The following PDGFRA variants were observed in gnomAD, a reference collection of about 807,000 sequenced individuals.
PDGFRA encodes the protein platelet-derived growth factor receptor alpha.
In PDGFRA, 25 loss-of-function variants were observed where a neutral mutation model predicts 121.5. The observed-to-expected ratio is 0.21, with a 90% CI of 0.15 to 0.29. The LOEUF (loss-of-function observed/expected upper bound fraction) is 0.29. PDGFRA is among the 10% of genes least tolerant of loss of function. PDGFRA has a pLI of 1.00. For missense variants in PDGFRA, 1,008 were observed against 1,345.1 expected (o/e 0.75, Z 3.92); for synonymous variants, 463 against 494.8 (o/e 0.94, Z 0.85).
In PDGFRA at chr4:54,297,688, A is replaced by T. The variant is rs926045037; in HGVS notation, c.*2416A>T. 5 of 233,506 alleles carry T rather than the reference A, an allele frequency of 2.1e-5. No individual in the cohort carries two copies. The highest frequency in any genetic ancestry group is 1.1e-4 in the African/African-American group (5 of 45,318). The allele number at this position is 233,506 out of a possible 1,614,324, so 14.5% of individuals were successfully genotyped here. A position where few individuals can be genotyped will look rare whatever the true frequency, so the allele number is the denominator to read the frequency against. On this transcript the variant is annotated 3_prime_UTR_variant, in exon 23 of 23. Coordinates refer to ENST00000257290, the MANE Select transcript of PDGFRA (RefSeq NM_006206.6). ...TGTGTGTGTTTTCAGCAAATTCCAG[A>T]TTTGTTTCCTTTTGGCCTCCTGCAA...
intron 1 of PDGFRA, among the ~76,000 whole-genome samples, chr4:54,247,200 T>A (rs952183090): frequency 6.6e-6 from 1 of 152,070 alleles, no homozygotes; most frequent in Non-Finnish European, 1.5e-5. Flanking sequence ...AAAGAGGGAA[T>A]CCTCCCTAAC....
At chr4:54,237,120 C>T (rs1285797908) in intron 1 of PDGFRA, among the ~76,000 whole-genome samples, 5 of 152,070 alleles carry the variant, frequency 3.3e-5, no homozygotes, top group African/African-American at 7.2e-5. Flanking sequence ...AGGTACCTGC[C>T]GCCATGCCTG....
intron 1 of PDGFRA, among the ~76,000 whole-genome samples, chr4:54,242,235 G>A (rs929359688): frequency 6.6e-5 from 10 of 151,954 alleles, no homozygotes; most frequent in South Asian, 6.2e-4. Context: ...TGTCTCCATC[G>A]ACAGCTTCTG....
chr4:54,274,551 G>T lies in PDGFRA; in HGVS notation c.1579G>T (p.Val527Leu), dbSNP rs2110296253. ...CGTAGCCCTGCGTTCTGAACTCACG[G>T]TGGCTGCTGCAGTCCTGGTGCTGTT... The part of the protein sequence containing the change: ...VAPTLRSELT[V>L]AAAVLVLLVI... Residue 527 changes from valine (V) to leucine (L), a missense_variant, in exon 11 of 23, where the codon GTG becomes TTG. Physicochemically the swap from Val to Leu is conservative, Grantham distance 32. Coordinates refer to ENST00000257290, the MANE Select transcript of PDGFRA (RefSeq NM_006206.6). 1 of 1,613,866 alleles carries T rather than the reference G, an allele frequency of 6.2e-7. No homozygotes were observed. Among genetic ancestry groups the T allele is most frequent in the South Asian group, 1.1e-5 (1 of 91,074 alleles).
Position 54,272,377 on chromosome 4 carries a change from CT to C in PDGFRA, c.1238-14del. On this transcript the variant is annotated splice_polypyrimidine_tract_variant and intron_variant, in intron 8 of 22. Coordinates refer to ENST00000257290, the MANE Select transcript of PDGFRA (RefSeq NM_006206.6). The stretch of plus-strand genomic sequence containing the variant: ...GACACGAGCTATTCCATTCTGACTT[CT>C]TTCTGCCTCTTGCAGTTCCTTCATC... 6.2e-7 allele frequency: 1 copy of C among 1,613,888 alleles called. No individual in the cohort carries two copies.
chr4:54,258,355 C>A (rs1722487981), intron 1 of PDGFRA, among the ~76,000 whole-genome samples: 1 of 151,986 alleles, frequency 6.6e-6, no homozygotes, highest in Non-Finnish European at 1.5e-5. Context: ...AGGTATTTAC[C>A]CCAACCCAAG....
At chr4:54,293,907 TTGTGTGTGTGTGTG>T (rs71200381) in intron 22 of PDGFRA, among the ~76,000 whole-genome samples, 3 of 142,462 alleles carry the variant, frequency 2.1e-5, no homozygotes, top group African/African-American at 5.2e-5. Context: ...TCCAAGTTGC[TTGTGTGTGTGTGTG>T]TGTGTGTGTG....
At chr4:54,281,506 G>A in intron 16 of PDGFRA, 2 of 1,029,176 alleles carry the variant, frequency 1.9e-6, no homozygotes, top group Non-Finnish European at 2.7e-6. Flanking sequence ...TAAAAGATTA[G>A]CCAGTGAGAG....
intron 1 of PDGFRA, among the ~76,000 whole-genome samples, chr4:54,239,844 T>TTATG (rs1193732011): frequency 6.6e-6 from 1 of 151,756 alleles, no homozygotes; most frequent in Non-Finnish European, 1.5e-5. Context: ...AAATTTTAAA[T>TTATG]TATTTATTTA....
intron 8 of PDGFRA, among the ~76,000 whole-genome samples, chr4:54,271,903 C>G (rs1410034725): frequency 1.8e-4 from 20 of 113,212 alleles, no homozygotes; most frequent in Non-Finnish European, 9.3e-5. Context: ...TTCCTTCCTT[C>G]CCTCTTCCCT....
chr4:54,285,522 A>T (rs747995101), intron 17 of PDGFRA, 36 bp downstream of exon 17: 12 of 912,046 alleles, frequency 1.3e-5, no homozygotes, highest in Middle Eastern at 2.1e-4. Flanking sequence ...TTAGACCCAG[A>T]TTTCAGTGAG....
intron 1 of PDGFRA, among the ~76,000 whole-genome samples, chr4:54,256,695 T>G (rs1053646860): frequency 1.2e-4 from 18 of 151,584 alleles, no homozygotes; most frequent in African/African-American, 3.9e-4. Context: ...GTGTGGTGGT[T>G]TCACAAGATA....
chr4:54,283,955 A>T (rs1355977961), intron 16 of PDGFRA, among the ~76,000 whole-genome samples: 2 of 152,226 alleles, frequency 1.3e-5, no homozygotes, highest in Non-Finnish European at 2.9e-5. Flanking sequence ...TTGCTTCTGC[A>T]TCTGACTGTA....
chr4:54,265,137 C>A, intron 5 of PDGFRA, 88 bp downstream of exon 5: 1 of 1,270,446 alleles, frequency 7.9e-7, no homozygotes, highest in Non-Finnish European at 1.1e-6. Flanking sequence ...CACTGATGGG[C>A]ACATCACTGA....
intron 2 of PDGFRA, 59 bp downstream of exon 2, chr4:54,258,876 G>A: frequency 1.5e-6 from 2 of 1,372,702 alleles, no homozygotes; most frequent in Non-Finnish European, 2.1e-6. Flanking sequence ...TTTAAGCTTT[G>A]TGCTGCATGG....
At chr4:54,238,980 GATAA>G (rs1220991582) in intron 1 of PDGFRA, among the ~76,000 whole-genome samples, 5 of 152,008 alleles carry the variant, frequency 3.3e-5, no homozygotes, top group South Asian at 4.2e-4. Flanking sequence ...CTCAAAAATA[GATAA>G]ATAAATAAAT....
intron 1 of PDGFRA, among the ~76,000 whole-genome samples, chr4:54,245,769 A>C (rs973657986): frequency 1.3e-5 from 2 of 152,228 alleles, no homozygotes; most frequent in Non-Finnish European, 2.9e-5. Flanking sequence ...ACAGACTGGC[A>C]AATTGGATAA....
intron 15 of PDGFRA, among the ~76,000 whole-genome samples, chr4:54,279,310 C>T (rs749885364): frequency 6.6e-6 from 1 of 152,168 alleles, no homozygotes; most frequent in Non-Finnish European, 1.5e-5. Context: ...CAGTAGTCAT[C>T]ATGGCAGCTG....
rs755381639 is a variant in PDGFRA, at chr4:54,295,277, C to A, written c.*5C>A. Reference sequence around the variant, plus strand: ...GTGGAAGACAGCTTCCTGTAACTGGCGGATTCGAGGGGTTCCTTCCACTTC... The same window carrying A: ...GTGGAAGACAGCTTCCTGTAACTGGAGGATTCGAGGGGTTCCTTCCACTTC... On this transcript the variant is annotated 3_prime_UTR_variant, in exon 23 of 23. Transcript: ENST00000257290. 1 of 1,613,766 alleles carries A rather than the reference C, an allele frequency of 6.2e-7. No individual in the cohort carries two copies. The highest frequency in any genetic ancestry group is 8.5e-7 in the Non-Finnish European group (1 of 1,179,862).
Sources: gnomAD v4.1 joint callset for allele counts (sites outside exome capture counted in the v4.1 genomes callset) on GRCh38, gnomAD v4.1.1 for gene constraint, MANE v1.5 for transcripts, NCBI Gene and HGNC (gene_info 2026-07-23, HGNC 2026-07-21) for gene names.